The following CIT variants were observed in gnomAD, a reference collection of about 807,000 sequenced individuals.
CIT encodes the protein citron rho-interacting serine/threonine kinase, also known as citron Rho-interacting kinase.
CIT carries 79 observed loss-of-function variants against 272.7 expected under a neutral mutation model. The observed-to-expected ratio is 0.29, with a 90% CI of 0.24 to 0.35. CIT has a LOEUF of 0.35. CIT is among the 10% of genes least tolerant of loss of function. CIT has a pLI of 1.00. For missense variants in CIT, 1,909 were observed against 2,618.3 expected (o/e 0.73, Z 5.91); for synonymous variants, 948 against 995.6 (o/e 0.95, Z 0.90).
At chr12:119,823,918 T>C (rs188373727) in intron 8 of CIT, among the ~76,000 whole-genome samples, 6 of 150,672 alleles carry the variant, frequency 4.0e-5, no homozygotes, top group African/African-American at 1.2e-4. Context: ...TGGGCACCCG[T>C]GATCCCAGCT....
At chr12:119,843,997 T>C (rs527570034) in intron 5 of CIT, among the ~76,000 whole-genome samples, 77 of 151,810 alleles carry the variant, frequency 5.1e-4, no homozygotes, top group African/African-American at 1.8e-3. Context: ...TTTCAGATTT[T>C]AGAAAGGTAA....
intron 23 of CIT, 61 bp from the exon 24 acceptor site, chr12:119,742,525 C>CG: frequency 1.5e-6 from 2 of 1,297,194 alleles, no homozygotes; most frequent in East Asian, 4.7e-5. Flanking sequence ...CTACATGCTA[C>CG]GGGTCAAATA....
At chr12:119,800,525 G>A (rs1202725747) in intron 10 of CIT, among the ~76,000 whole-genome samples, 2 of 152,160 alleles carry the variant, frequency 1.3e-5, no homozygotes, top group Non-Finnish European at 2.9e-5. Context: ...AAAACTCCTC[G>A]TTCATTCAGC....
At chr12:119,817,911 T>TAA (rs397939625) in intron 9 of CIT, among the ~76,000 whole-genome samples, 1 of 140,958 alleles carries the variant, frequency 7.1e-6, no homozygotes, top group East Asian at 2.0e-4. Context: ...CTCCATCACT[T>TAA]AAAAAAAAAA....
rs761540887 is a variant in CIT at position 119,757,376 on chromosome 12, G to T, written c.2701C>A (p.Arg901=). The change falls in exon 22 of 48, where the codon CGG becomes AGG. Residue 901 remains arginine (R), a synonymous_variant. Transcript: ENST00000392521. ...AGATGACTCCTCGCTCTCACCTCCCGCAATCTTGTCTCCAGTTCCAGCAGC... is the reference window on the plus strand; with the variant it reads ...AGATGACTCCTCGCTCTCACCTCCCTCAATCTTGTCTCCAGTTCCAGCAGC... ...NRLLELETRL[R]EVSLEHEEQK... 2 of 1,613,760 alleles carry T rather than the reference G, an allele frequency of 1.2e-6. No homozygotes were observed. The highest frequency in any genetic ancestry group is 1.7e-5 in the Admixed American group (1 of 60,010).
chr12:119,829,508 G>A (rs998573343), intron 7 of CIT, among the ~76,000 whole-genome samples: 2 of 152,288 alleles, frequency 1.3e-5, no homozygotes, highest in East Asian at 1.9e-4. Flanking sequence ...TTACTATGTC[G>A]TTCCTCTTGT....
chr12:119,740,497 G>A (rs989895233), intron 24 of CIT, among the ~76,000 whole-genome samples: 4 of 151,852 alleles, frequency 2.6e-5, no homozygotes, highest in East Asian at 1.9e-4. Context: ...ATTTTAAAAC[G>A]CATCAGATTA....
intron 3 of CIT, among the ~76,000 whole-genome samples, chr12:119,861,006 A>C (rs1217994913): frequency 1.3e-5 from 2 of 151,836 alleles, no homozygotes; most frequent in African/African-American, 4.8e-5. Flanking sequence ...CTATAATCCC[A>C]GCTACTCGGG....
chr12:119,803,342 T>C lies in CIT; in HGVS notation c.1159A>G (p.Asn387Asp), dbSNP rs778440513. The C allele has an allele frequency of 1.3e-5, 21 of 1,604,242 alleles. No individual in the cohort carries two copies. Among genetic ancestry groups the C allele is most frequent in the Non-Finnish European group, 1.4e-5 (16 of 1,175,646 alleles). The change falls in exon 10 of 48, where the codon AAT becomes GAT. Residue 387 changes from asparagine (N) to aspartate (D), a missense_variant. Asn to Asp is a conservative substitution (Grantham distance 23, BLOSUM62 1). Coordinates refer to ENST00000392521, the MANE Select transcript of CIT (RefSeq NM_001206999.2). ...GAATTCTTCTCTGGTTCATCAAAATTGGAGGTGTCATCGTCAGACTTGAGG... is the reference window on the plus strand; with the variant it reads ...GAATTCTTCTCTGGTTCATCAAAATCGGAGGTGTCATCGTCAGACTTGAGG... ...PTLKSDDDTS[N>D]FDEPEKNSWV...
rs1950597872 is a variant in CIT, at chr12:119,869,208, A to G, written c.97-7T>C. The G allele has an allele frequency of 1.3e-6, 2 of 1,592,856 alleles. No individual in the cohort carries two copies. The highest frequency in any genetic ancestry group is 2.7e-5 in the African/African-American group (2 of 73,350). The stretch of plus-strand genomic sequence containing the variant: ...TCATAAAGGGTGGTTTCCCCTAAAA[A>G]CAGCAAACAGCAGATGGAGACACTG... On this transcript the variant is annotated splice_polypyrimidine_tract_variant and splice_region_variant and intron_variant, in intron 2 of 47. Transcript: ENST00000392521.
intron 3 of CIT, among the ~76,000 whole-genome samples, chr12:119,862,595 G>A (rs951441212): frequency 6.6e-6 from 1 of 151,504 alleles, no homozygotes; most frequent in South Asian, 2.1e-4. Context: ...ATCACTTGAG[G>A]TCAGGAGTTC....
Position 119,686,923 on chromosome 12 carries a change from T to C in CIT, c.*1309A>G, listed in dbSNP as rs1171934043. 1 of 152,632 alleles carries C rather than the reference T, an allele frequency of 6.6e-6. No individual in the cohort carries two copies. The highest frequency in any genetic ancestry group is 6.5e-5 in the Admixed American group (1 of 15,274). 9.5% of individuals were successfully genotyped at this position (152,632 alleles called of 1,614,324 possible). A position where few individuals can be genotyped will look rare whatever the true frequency, so the allele number is the denominator to read the frequency against. On this transcript the variant is annotated 3_prime_UTR_variant, in exon 48 of 48. Coordinates refer to ENST00000392521, the MANE Select transcript of CIT (RefSeq NM_001206999.2). ...AACTTCCTGGTCTTAGGTCTAGCCCTAGGGAAAGGCTCATTTGGAAAGTCA... is the reference window on the plus strand; with the variant it reads ...AACTTCCTGGTCTTAGGTCTAGCCCCAGGGAAAGGCTCATTTGGAAAGTCA...
At chr12:119,845,618 A>G (rs1214802074) in intron 5 of CIT, among the ~76,000 whole-genome samples, 1 of 145,734 alleles carries the variant, frequency 6.9e-6, no homozygotes, top group East Asian at 2.0e-4. Context: ...CCGCCACTGC[A>G]CTCCAGCCTG....
intron 26 of CIT, among the ~76,000 whole-genome samples, chr12:119,732,313 C>A (rs1344939912): frequency 6.6e-6 from 1 of 152,156 alleles, no homozygotes; most frequent in Non-Finnish European, 1.5e-5. Context: ...GAGAACAGTT[C>A]ATAATTATAC....
intron 3 of CIT, among the ~76,000 whole-genome samples, chr12:119,858,666 C>T (rs760852646): frequency 5.3e-5 from 8 of 151,878 alleles, no homozygotes; most frequent in South Asian, 4.2e-4. Flanking sequence ...CAAAAACATA[C>T]AAAAAATTAG....
chr12:119,708,872 T>C (rs1161528461), intron 39 of CIT, among the ~76,000 whole-genome samples: 13 of 152,120 alleles, frequency 8.5e-5, no homozygotes, highest in Admixed American at 5.2e-4. Context: ...AGACATAAAA[T>C]TGGAGAATGT....
intron 3 of CIT, among the ~76,000 whole-genome samples, chr12:119,868,429 C>T (rs11064946): frequency 0.044 from 6,767 of 152,186 alleles, 276 homozygotes; most frequent in African/African-American, 0.11. Context: ...AAAGTCAGCC[C>T]TGAGTGAGTA....
intron 9 of CIT, among the ~76,000 whole-genome samples, chr12:119,821,022 G>A (rs534030249): frequency 2.0e-5 from 3 of 152,156 alleles, no homozygotes; most frequent in African/African-American, 7.2e-5. Context: ...TTGGCCAGGC[G>A]TGGTGGCTCA....
chr12:119,784,101 G>A lies in CIT; in HGVS notation c.1402-50C>T, dbSNP rs759263957. The stretch of plus-strand genomic sequence containing the variant: ...AAAAAGGCCCGTGGAGGTTCATTAG[G>A]AGCAATCACATCTCAAGTAGCCTCC... On this transcript the variant is annotated intron_variant, in intron 11 of 47. Transcript: ENST00000392521. This position sits in a 1 kb window ranked among gnomAD's most constrained non-coding sequence, Gnocchi z 4.7. 2.9e-5 allele frequency: 46 copies of A among 1,613,542 alleles called. No homozygotes were observed. Among genetic ancestry groups the A allele is most frequent in the Non-Finnish European group, 3.6e-5 (43 of 1,179,772 alleles).
Sources: gnomAD v4.1 joint callset for allele counts (sites outside exome capture counted in the v4.1 genomes callset) on GRCh38, gnomAD v4.1.1 for gene constraint, Gnocchi (gnomAD v3.1) non-coding constraint, MANE v1.5 for transcripts, NCBI Gene and HGNC (gene_info 2026-07-23, HGNC 2026-07-21) for gene names.